Variants in ZBTB7C observed in about 807,000 individuals in gnomAD.
ZBTB7C encodes zinc finger and BTB domain-containing protein 7C.
ZBTB7C carries 8 observed loss-of-function variants against 25.7 expected under a neutral mutation model. That is an observed-to-expected ratio of 0.31 (90% CI 0.18 to 0.56). ZBTB7C has a LOEUF of 0.56. Among genes scored for constraint, ZBTB7C ranks in the 20% least tolerant of loss-of-function variants. The probability of loss-of-function intolerance (pLI) is 0.91; values close to 1 mark genes in which losing one functional copy is unlikely to be tolerated. For synonymous variants in ZBTB7C, 394 were observed against 369.0 expected, an observed-to-expected ratio of 1.07 and a Z score of -0.78; for missense variants, 824 against 855.2, an observed-to-expected ratio of 0.96 and a Z score of 0.46.
chr18:48,130,136 A>C (rs2039943304), intron 3 of ZBTB7C, among the ~76,000 whole-genome samples: 1 of 152,110 alleles, frequency 6.6e-6, no homozygotes, highest in Non-Finnish European at 1.5e-5. Flanking sequence ...ATCCTCCTTC[A>C]TCCCAATCAA....
At chr18:48,364,879 T>C (rs2047187996) in intron 1 of ZBTB7C, among the ~76,000 whole-genome samples, 1 of 152,222 alleles carries the variant, frequency 6.6e-6, no homozygotes, top group East Asian at 1.9e-4. Context: ...ACCCAAAGTT[T>C]TCAAAATGGA....
At chr18:48,124,705 T>C (rs189481439) in intron 3 of ZBTB7C, among the ~76,000 whole-genome samples, 17 of 152,286 alleles carry the variant, frequency 1.1e-4, no homozygotes, top group Non-Finnish European at 2.1e-4. Flanking sequence ...TTTGGTTTGG[T>C]GTCTGTGAAG....
At chr18:48,076,134 C>G (rs1434800149) in intron 3 of ZBTB7C, among the ~76,000 whole-genome samples, 1 of 152,134 alleles carries the variant, frequency 6.6e-6, no homozygotes, top group Non-Finnish European at 1.5e-5. Flanking sequence ...TTTCTTGTCC[C>G]CAAGGCAGAG....
At chr18:48,242,038 T>A (rs2043545256) in intron 2 of ZBTB7C, among the ~76,000 whole-genome samples, 1 of 151,970 alleles carries the variant, frequency 6.6e-6, no homozygotes, top group Admixed American at 6.6e-5. Context: ...ACCACAGAAA[T>A]GCAAAAGATC....
chr18:48,305,797 C>T (rs759355510), intron 2 of ZBTB7C, among the ~76,000 whole-genome samples: 1 of 152,112 alleles, frequency 6.6e-6, no homozygotes. Flanking sequence ...TCAGGGAGCT[C>T]AAGTCACTTG....
intron 3 of ZBTB7C, among the ~76,000 whole-genome samples, chr18:48,089,563 G>GTCCACTC (rs2038331665): frequency 6.6e-6 from 1 of 151,506 alleles, no homozygotes; most frequent in Non-Finnish European, 1.5e-5. Flanking sequence ...CGATTCTGAT[G>GTCCACTC]TCCACTCCAG....
intron 3 of ZBTB7C, among the ~76,000 whole-genome samples, chr18:48,041,885 G>C (rs1343220606): frequency 2.0e-5 from 3 of 152,080 alleles, no homozygotes; most frequent in African/African-American, 7.2e-5. Context: ...TACATTGTTA[G>C]TTAATTTTTC....
chr18:48,069,296 T>A (rs2037455371), intron 3 of ZBTB7C, among the ~76,000 whole-genome samples: 1 of 152,174 alleles, frequency 6.6e-6, no homozygotes, highest in Admixed American at 6.5e-5. Context: ...TGTTGTTTCA[T>A]CTCCTAGGCA....
chr18:48,149,686 G>T (rs1415910763), intron 3 of ZBTB7C: 1 of 152,122 alleles, frequency 6.6e-6, no homozygotes, highest in African/African-American at 2.4e-5. Flanking sequence ...TTGGCCTCCT[G>T]CAAAGACCAC....
At chr18:48,096,649 G>C (rs1392436573) in intron 3 of ZBTB7C, among the ~76,000 whole-genome samples, 1 of 152,124 alleles carries the variant, frequency 6.6e-6, no homozygotes, top group Non-Finnish European at 1.5e-5. Context: ...AGGGGGAGGG[G>C]ACAGGTGAAA....
intron 2 of ZBTB7C, among the ~76,000 whole-genome samples, chr18:48,318,046 C>T (rs2045991744): frequency 6.6e-6 from 1 of 151,140 alleles, no homozygotes; most frequent in South Asian, 2.1e-4. Context: ...CCCAGCCCTT[C>T]AGTCGCCACA....
intron 1 of ZBTB7C, among the ~76,000 whole-genome samples, chr18:48,368,194 C>T (rs1391598041): frequency 6.6e-6 from 1 of 150,376 alleles, no homozygotes; most frequent in Non-Finnish European, 1.5e-5. Flanking sequence ...AATGCTTAAG[C>T]CAGCAACTCT....
At chr18:48,269,175 G>C (rs2044402625) in intron 2 of ZBTB7C, among the ~76,000 whole-genome samples, 1 of 151,972 alleles carries the variant, frequency 6.6e-6, no homozygotes, top group Non-Finnish European at 1.5e-5. Context: ...TGTTGACCAG[G>C]CTGCTCCCAA....
At chr18:48,260,446 G>A (rs2044139446) in intron 2 of ZBTB7C, among the ~76,000 whole-genome samples, 1 of 152,174 alleles carries the variant, frequency 6.6e-6, no homozygotes. Context: ...ATAGATGTAT[G>A]CATAAGTCTA....
At chr18:48,228,150 G>C (rs2043152875) in intron 2 of ZBTB7C, among the ~76,000 whole-genome samples, 2 of 152,162 alleles carry the variant, frequency 1.3e-5, no homozygotes, top group Non-Finnish European at 1.5e-5. Flanking sequence ...TGGCTCCCGA[G>C]CTGGGGAGAC....
At chr18:48,275,782 T>C (rs1344586160) in intron 2 of ZBTB7C, among the ~76,000 whole-genome samples, 1 of 152,198 alleles carries the variant, frequency 6.6e-6, no homozygotes, top group Non-Finnish European at 1.5e-5. Context: ...CTCATCTTTC[T>C]TCTCTCAGCT....
In ZBTB7C at chr18:48,107,320, G is replaced by C. The variant is rs556731337; in HGVS notation, c.-16-66197C>G. Reference sequence around the variant, plus strand: ...GAGGAGTGAGGAGGGATGGGAGGAGGGTGAAAGGCAATGGGAAAAGGGCTG... The same window carrying C: ...GAGGAGTGAGGAGGGATGGGAGGAGCGTGAAAGGCAATGGGAAAAGGGCTG... On this transcript the variant is annotated intron_variant, in intron 3 of 4. Transcript: ENST00000590800. Among the ~76,000 whole-genome samples, 283 of 147,688 alleles carry C rather than the reference G, an allele frequency of 1.9e-3. 1 individual carries two copies. Among genetic ancestry groups the C allele is most frequent in the Non-Finnish European group, 1.6e-3 (103 of 66,064 alleles).
chr18:48,136,912 G>A, intron 3 of ZBTB7C: 8 of 944,242 alleles, frequency 8.5e-6, no homozygotes, highest in Non-Finnish European at 1.0e-5. Flanking sequence ...GCCCGGAAGG[G>A]CTTCCTCCCC....
chr18:48,107,962 AG>A (rs2039092617), intron 3 of ZBTB7C, among the ~76,000 whole-genome samples: 1 of 152,200 alleles, frequency 6.6e-6, no homozygotes, highest in South Asian at 2.1e-4. Context: ...TTTTATGCCC[AG>A]CCAAATGACA....
Sources: allele counts gnomAD v4.1 joint callset (sites outside exome capture counted in the v4.1 genomes callset), GRCh38; gene constraint gnomAD v4.1.1; transcripts MANE v1.5; gene names NCBI Gene and HGNC (gene_info 2026-07-23, HGNC 2026-07-21).